WDPCP: variants seen among roughly 807,000 people sequenced by gnomAD.
WDPCP encodes the protein WD repeat containing planar cell polarity effector.
In WDPCP, 71 loss-of-function variants were observed where a neutral mutation model predicts 93.1. That is an observed-to-expected ratio of 0.76 (90% CI 0.63 to 0.93). WDPCP has a LOEUF of 0.93. Among genes scored for constraint, WDPCP ranks in the 40% least tolerant of loss-of-function variants. The probability of loss-of-function intolerance (pLI) is 0.00; values close to 1 mark genes in which losing one functional copy is unlikely to be tolerated. For synonymous variants in WDPCP, 315 were observed against 315.0 expected (o/e 1.00, Z 0.00); for missense variants, 844 against 887.4 (o/e 0.95, Z 0.62).
chr2:63,268,262 G>C (rs758610901), intron 13 of WDPCP, among the ~76,000 whole-genome samples: 6 of 152,046 alleles, frequency 3.9e-5, no homozygotes, highest in Non-Finnish European at 7.4e-5. Flanking sequence ...GTTATATATG[G>C]ATTTTTTTTA....
chr2:63,666,802 C>T (rs1710288161), intron 2 of WDPCP, among the ~76,000 whole-genome samples: 1 of 152,148 alleles, frequency 6.6e-6, no homozygotes, highest in Admixed American at 6.5e-5. Context: ...TACCCCATGT[C>T]AATATGTCCA....
intron 9 of WDPCP, among the ~76,000 whole-genome samples, chr2:63,416,123 G>A (rs907546416): frequency 5.9e-5 from 9 of 151,692 alleles, no homozygotes; most frequent in Non-Finnish European, 1.3e-4. Context: ...ATTATTGCTA[G>A]TTTTGCATCT....
chr2:63,302,375 T>C (rs950710660), intron 13 of WDPCP, among the ~76,000 whole-genome samples: 1 of 152,194 alleles, frequency 6.6e-6, no homozygotes, highest in Admixed American at 6.5e-5. Flanking sequence ...CCATTCCCAG[T>C]AGGATAGGAA....
intron 2 of WDPCP, among the ~76,000 whole-genome samples, chr2:63,671,526 C>G (rs1226577151): frequency 6.6e-6 from 1 of 152,106 alleles, no homozygotes; most frequent in Admixed American, 6.6e-5. Flanking sequence ...CATTTTCTTT[C>G]ACAAGTGGTC....
At chr2:63,469,497 C>A (rs1368226739) in intron 6 of WDPCP, among the ~76,000 whole-genome samples, 1 of 152,166 alleles carries the variant, frequency 6.6e-6, no homozygotes, top group Non-Finnish European at 1.5e-5. Flanking sequence ...TACATGTATA[C>A]CATGGAATAC....
intron 14 of WDPCP, among the ~76,000 whole-genome samples, chr2:63,192,035 A>T (rs1236042926): frequency 6.6e-6 from 1 of 152,216 alleles, no homozygotes; most frequent in African/African-American, 2.4e-5. Context: ...GCCTTGATGC[A>T]GAACAAAAGG....
chr2:63,436,831 A>T (rs932210406), intron 8 of WDPCP, among the ~76,000 whole-genome samples: 1 of 152,138 alleles, frequency 6.6e-6, no homozygotes, highest in Non-Finnish European at 1.5e-5. Context: ...TAAAATAAAA[A>T]TTCTGCCTTA....
chr2:63,785,038 T>C (rs533191929), intron 2 of WDPCP, among the ~76,000 whole-genome samples: 96 of 152,346 alleles, frequency 6.3e-4, no homozygotes, highest in African/African-American at 2.2e-3. Flanking sequence ...TGACAATTAC[T>C]GTTAAACAAA....
intron 2 of WDPCP, among the ~76,000 whole-genome samples, chr2:63,779,034 C>A (rs1670348549): frequency 6.6e-6 from 1 of 152,102 alleles, no homozygotes; most frequent in African/African-American, 2.4e-5. Context: ...GGGAATGTAT[C>A]TTTTCCTTCT....
intron 1 of WDPCP, among the ~76,000 whole-genome samples, chr2:63,550,766 TATATGTGC>T (rs1705566538): frequency 7.7e-6 from 1 of 129,566 alleles, no homozygotes; most frequent in African/African-American, 3.1e-5. Context: ...TATACACATA[TATATGTGC>T]ATATGTACAT....
intron 17 of WDPCP, among the ~76,000 whole-genome samples, chr2:63,126,415 A>T (rs1669905143): frequency 6.6e-6 from 1 of 152,238 alleles, no homozygotes; most frequent in Non-Finnish European, 1.5e-5. Context: ...TAAATTAAAC[A>T]TAACCATTCT....
At chr2:63,425,724 A>C (rs1423529211) in intron 9 of WDPCP, among the ~76,000 whole-genome samples, 1 of 152,230 alleles carries the variant, frequency 6.6e-6, no homozygotes, top group Non-Finnish European at 1.5e-5. Flanking sequence ...ATATGGGATT[A>C]TGTAAAGAAA....
At chr2:63,528,196 C>G (rs970198750) in intron 1 of WDPCP, among the ~76,000 whole-genome samples, 10 of 152,064 alleles carry the variant, frequency 6.6e-5, no homozygotes, top group South Asian at 2.1e-4. Flanking sequence ...AGTTTCTTTT[C>G]CTGTGCAGAA....
chr2:63,158,763 T>C (rs1672437765), intron 15 of WDPCP, among the ~76,000 whole-genome samples: 1 of 152,056 alleles, frequency 6.6e-6, no homozygotes, highest in African/African-American at 2.4e-5. Context: ...TTGGATACTT[T>C]CAATTGATCT....
intron 6 of WDPCP, among the ~76,000 whole-genome samples, chr2:63,470,191 C>A (rs1040208619): frequency 6.6e-6 from 1 of 152,228 alleles, no homozygotes; most frequent in Non-Finnish European, 1.5e-5. Context: ...ACACCCACTC[C>A]TTTGGTGATC....
At chr2:63,702,035 T>C (rs891108908) in intron 2 of WDPCP, among the ~76,000 whole-genome samples, 1 of 152,198 alleles carries the variant, frequency 6.6e-6, no homozygotes, top group Non-Finnish European at 1.5e-5. Context: ...AGACGATTTT[T>C]TTTTCTTGAG....
intron 17 of WDPCP, among the ~76,000 whole-genome samples, chr2:63,138,377 C>T (rs1670792579): frequency 6.6e-6 from 1 of 151,342 alleles, no homozygotes; most frequent in South Asian, 2.1e-4. Flanking sequence ...CCAGATATTG[C>T]TATTTTATTT....
chr2:63,735,574 G>T (rs1177902325), intron 2 of WDPCP, among the ~76,000 whole-genome samples: 1 of 152,148 alleles, frequency 6.6e-6, no homozygotes, highest in African/African-American at 2.4e-5. Context: ...GAGCAGGGAA[G>T]TAATAGGGAA....
intron 1 of WDPCP, among the ~76,000 whole-genome samples, chr2:63,498,943 T>C (rs13390106): frequency 0.069 from 10,447 of 152,274 alleles, 1,091 homozygotes; most frequent in African/African-American, 0.23. Context: ...TAACCTATTG[T>C]ACCCAAAGAA....
Sources: gnomAD v4.1 joint callset for allele counts (sites outside exome capture counted in the v4.1 genomes callset) on GRCh38, gnomAD v4.1.1 for gene constraint, MANE v1.5 for transcripts, NCBI Gene and HGNC (gene_info 2026-07-23, HGNC 2026-07-21) for gene names.